The following ARSG variants were observed in gnomAD, a reference collection of about 807,000 sequenced individuals.
ARSG encodes ASG.
A neutral mutation model predicts 50.5 loss-of-function variants in ARSG; 37 were observed. The ratio of observed to expected loss-of-function variants is 0.73; its 90% CI spans 0.56 to 0.96. The LOEUF is 0.96. Among genes scored for constraint, ARSG ranks in the 50% least tolerant of loss-of-function variants. ARSG has a pLI of 0.00. For synonymous variants in ARSG, 225 were observed against 254.6 expected, an observed-to-expected ratio of 0.88 and a Z score of 1.11; for missense variants, 629 against 675.3, an observed-to-expected ratio of 0.93 and a Z score of 0.76.
intron 9 of ARSG, among the ~76,000 whole-genome samples, chr17:68,393,431 T>G (rs1298506631): frequency 6.6e-6 from 1 of 152,176 alleles, no homozygotes; most frequent in African/African-American, 2.4e-5. Context: ...TGTCGAGATA[T>G]AGCAGTGCTT....
At chr17:68,426,254 G>GGGGCCCCCCCCCCCCCCCC, downstream of ARSG, 1 of 816,912 alleles carries the variant, frequency 1.2e-6, no homozygotes, top group Non-Finnish European at 1.9e-6. Context: ...GGGAGCGGGG[G>GGGGCCCCCCCCCCCCCCCC]CTCAAATAAA....
chr17:68,291,025 A>G (rs149219175), upstream of ARSG: 1 of 152,360 alleles, frequency 6.6e-6, no homozygotes, highest in Non-Finnish European at 1.5e-5. Flanking sequence ...CATATTTTTT[A>G]AAAAACAACC....
At chr17:68,347,095 T>A (rs2078545927) in intron 3 of ARSG, 30 bp from the exon 4 acceptor site, 1 of 1,612,632 alleles carries the variant, frequency 6.2e-7, no homozygotes, top group African/African-American at 1.3e-5. Flanking sequence ...TGGGGATTCC[T>A]CTGAAAATCT....
At chr17:68,375,978 A>ATTTCATTT in intron 8 of ARSG, among the ~76,000 whole-genome samples, 1 of 152,208 alleles carries the variant, frequency 6.6e-6, no homozygotes, top group East Asian at 1.9e-4. Flanking sequence ...TTTACATCAC[A>ATTTCATTT]TAAAATTAAC....
intron 2 of ARSG, among the ~76,000 whole-genome samples, chr17:68,340,107 C>T (rs1403771270): frequency 6.6e-6 from 1 of 152,154 alleles, no homozygotes; most frequent in African/African-American, 2.4e-5. Context: ...TCTCTCATCA[C>T]CTAGTGATGA....
At chr17:68,334,193 A>G (rs560234297) in intron 2 of ARSG, among the ~76,000 whole-genome samples, 1 of 152,308 alleles carries the variant, frequency 6.6e-6, no homozygotes, top group East Asian at 1.9e-4. Context: ...TTTCAAGGCC[A>G]GGCCAGGCTT....
At chr17:68,354,082 T>A (rs1041753764) in intron 5 of ARSG, among the ~76,000 whole-genome samples, 1 of 151,382 alleles carries the variant, frequency 6.6e-6, no homozygotes, top group Non-Finnish European at 1.5e-5. Context: ...TTTTATTTTT[T>A]AATTTTTAAT....
At chr17:68,321,561 GC>G (rs1568464793) in intron 2 of ARSG, among the ~76,000 whole-genome samples, 2 of 152,178 alleles carry the variant, frequency 1.3e-5, no homozygotes, top group Non-Finnish European at 2.9e-5. Context: ...AGTCAGAGTT[GC>G]CACAGAACAC....
At chr17:68,431,599 A>G in the ARSG span, among the ~76,000 whole-genome samples, 3 of 149,238 alleles carry the variant, frequency 2.0e-5, no homozygotes, top group Non-Finnish European at 4.5e-5. Context: ...AAGATGATAT[A>G]GGATGGACTG....
chr17:68,273,958 A>G (rs1316820610), intron 1 of ARSG: 3 of 1,614,068 alleles, frequency 1.9e-6, no homozygotes, highest in Non-Finnish European at 2.5e-6. Flanking sequence ...CGTACATATG[A>G]GAAACCTCTT....
At chr17:68,368,866 T>C in intron 7 of ARSG, 122 bp downstream of exon 7, 1 of 1,141,680 alleles carries the variant, frequency 8.8e-7, no homozygotes, top group Non-Finnish European at 1.2e-6. Flanking sequence ...TGCTTTGAAC[T>C]TGTGGCCCAG....
At chr17:68,273,886 T>A in intron 1 of ARSG, 1 of 1,597,858 alleles carries the variant, frequency 6.3e-7, no homozygotes, top group Non-Finnish European at 8.6e-7. Flanking sequence ...TTCTTCAAAC[T>A]AAGTGTCTAG....
chr17:68,329,643 C>A (rs957195203), intron 2 of ARSG, among the ~76,000 whole-genome samples: 13 of 152,248 alleles, frequency 8.5e-5, no homozygotes, highest in Admixed American at 7.2e-4. Flanking sequence ...GCCTGTAGAC[C>A]GTGCTGACTT....
rs1367115479 is a variant in ARSG at position 68,307,527 on chromosome 17, G to C, written c.34G>C (p.Gly12Arg). 6 of 1,614,084 alleles carry C rather than the reference G, an allele frequency of 3.7e-6. No individual in the cohort carries two copies. The highest frequency in any genetic ancestry group is 4.2e-6 in the Non-Finnish European group (5 of 1,179,972). The change falls in exon 2 of 12, where the codon GGA becomes CGA. Residue 12 changes from glycine (G) to arginine (R), a missense_variant. Gly to Arg is a moderately radical substitution (Grantham distance 125, BLOSUM62 -2). Transcript: ENST00000621439. ...GCTTTTTCTAAAGGTTTTGTTGGCGGGAGTGAGTTTCTCAGGATTTCTTTA... is the reference window on the plus strand; with the variant it reads ...GCTTTTTCTAAAGGTTTTGTTGGCGCGAGTGAGTTTCTCAGGATTTCTTTA... ...GWLFLKVLLA[G>R]VSFSGFLYPL...
intron 1 of ARSG, among the ~76,000 whole-genome samples, chr17:68,270,540 C>T (rs538960599): frequency 2.7e-5 from 4 of 146,072 alleles, no homozygotes; most frequent in South Asian, 4.3e-4. Context: ...GGTGATAGAG[C>T]GAGACTCCAT....
intron 1 of ARSG, among the ~76,000 whole-genome samples, chr17:68,285,998 A>G (rs1215820075): frequency 6.6e-6 from 1 of 152,100 alleles, no homozygotes; most frequent in Non-Finnish European, 1.5e-5. Context: ...TGACCTCGTG[A>G]TCCACCCACC....
chr17:68,401,337 T>G (rs772166374), intron 10 of ARSG, 23 bp from the exon 11 acceptor site: 11 of 1,610,238 alleles, frequency 6.8e-6, no homozygotes, highest in Middle Eastern at 1.6e-4. Context: ...TTTCTATTAG[T>G]AAGCTCTGCC....
chr17:68,433,475 T>C, the ARSG span: 10 of 1,613,848 alleles, frequency 6.2e-6, no homozygotes, highest in Middle Eastern at 1.6e-4. Flanking sequence ...TGCCTGTTGG[T>C]GACCTGTTCC....
At chr17:68,433,623 TA>T in the ARSG span, 1 of 1,479,352 alleles carries the variant, frequency 6.8e-7, no homozygotes, top group Non-Finnish European at 9.4e-7. Flanking sequence ...AAATGGGAGT[TA>T]TGGCCTTATA....
Sources: allele counts gnomAD v4.1 joint callset (sites outside exome capture counted in the v4.1 genomes callset), GRCh38; gene constraint gnomAD v4.1.1; transcripts MANE v1.5; gene names NCBI Gene and HGNC (gene_info 2026-07-23, HGNC 2026-07-21).